The following HYCC1 variants were observed in gnomAD, a reference collection of about 807,000 sequenced individuals.
The protein encoded by HYCC1 is hyccin.
At chr7:22,971,035 G>A in the HYCC1 span, among the ~76,000 whole-genome samples, 1 of 152,008 alleles carries the variant, frequency 6.6e-6, no homozygotes, top group East Asian at 1.9e-4. Context: ...ATTTCTTGGA[G>A]AAGTTCTTAG....
At chr7:22,949,722 A>G in the HYCC1 span, among the ~76,000 whole-genome samples, 381 of 152,182 alleles carry the variant, frequency 2.5e-3, 8 homozygotes, top group East Asian at 5.6e-3. Context: ...AAGCAGTACC[A>G]CGCAACTGAA....
the HYCC1 span, among the ~76,000 whole-genome samples, chr7:22,948,860 A>C: frequency 7.2e-5 from 11 of 152,056 alleles, no homozygotes; most frequent in African/African-American, 2.7e-4. Flanking sequence ...ATGAAACTAA[A>C]AACCTCCAAC....
the HYCC1 span, among the ~76,000 whole-genome samples, chr7:22,913,275 A>G: frequency 2.6e-5 from 4 of 152,254 alleles, no homozygotes; most frequent in African/African-American, 7.2e-5. Context: ...GTTGAAAACA[A>G]TAGAGGAATC....
the HYCC1 span, among the ~76,000 whole-genome samples, chr7:22,980,176 C>T: frequency 2.6e-5 from 4 of 151,736 alleles, no homozygotes; most frequent in Admixed American, 6.6e-5. Context: ...GTGGGAAATA[C>T]GGACAGTGTC....
chr7:23,014,054 C>T, the HYCC1 span: 1 of 470,980 alleles, frequency 2.1e-6, no homozygotes, highest in South Asian at 1.5e-5. Context: ...CAGAACGGGT[C>T]CCGGTGAGCC....
chr7:22,955,335 T>C, the HYCC1 span, among the ~76,000 whole-genome samples: 11,892 of 135,918 alleles, frequency 0.087, 645 homozygotes, highest in East Asian at 0.23. Context: ...AACAAAACTG[T>C]TCTTAATTAA....
the HYCC1 span, among the ~76,000 whole-genome samples, chr7:22,965,635 T>G: frequency 6.6e-6 from 1 of 151,654 alleles, no homozygotes; most frequent in African/African-American, 2.4e-5. Flanking sequence ...TTTATTATTA[T>G]TAGTTTTTTA....
the HYCC1 span, among the ~76,000 whole-genome samples, chr7:22,958,266 T>A: frequency 6.6e-6 from 1 of 152,108 alleles, no homozygotes; most frequent in Admixed American, 6.6e-5. Context: ...GGGAGGAGAC[T>A]GCAACCTACC....
the HYCC1 span, among the ~76,000 whole-genome samples, chr7:23,005,454 G>C: frequency 6.6e-6 from 1 of 152,128 alleles, no homozygotes; most frequent in South Asian, 2.1e-4. Context: ...TGTATTTTAT[G>C]ATCTTATAGT....
chr7:22,943,446 G>A, the HYCC1 span: 1 of 152,102 alleles, frequency 6.6e-6, no homozygotes, highest in Non-Finnish European at 1.5e-5. Context: ...TTTTTAACAA[G>A]ATACCAGATA....
the HYCC1 span, among the ~76,000 whole-genome samples, chr7:22,906,525 C>A: frequency 1.3e-5 from 2 of 151,174 alleles, no homozygotes; most frequent in Admixed American, 1.3e-4. Context: ...TTGCAGTGAG[C>A]CAAGATCGCG....
the HYCC1 span, among the ~76,000 whole-genome samples, chr7:22,973,259 C>A: frequency 3.9e-5 from 6 of 152,288 alleles, no homozygotes; most frequent in South Asian, 8.3e-4. Flanking sequence ...AATTTTCTTT[C>A]CATAGATATG....
chr7:22,927,448 AAAG>A, the HYCC1 span, among the ~76,000 whole-genome samples: 1 of 152,194 alleles, frequency 6.6e-6, no homozygotes, highest in East Asian at 1.9e-4. Context: ...CAAGACTAAT[AAAG>A]AAGAAAAGAG....
chr7:22,919,749 A>G, the HYCC1 span, among the ~76,000 whole-genome samples: 1 of 152,148 alleles, frequency 6.6e-6, no homozygotes, highest in East Asian at 1.9e-4. Flanking sequence ...AGATTAGACA[A>G]TCAGAAGAAC....
the HYCC1 span, among the ~76,000 whole-genome samples, chr7:22,923,747 G>T: frequency 6.6e-6 from 1 of 151,920 alleles, no homozygotes; most frequent in Non-Finnish European, 1.5e-5. Flanking sequence ...GGAAATTTAG[G>T]AATCAAATAA....
chr7:22,919,118 C>G, the HYCC1 span, among the ~76,000 whole-genome samples: 1 of 152,136 alleles, frequency 6.6e-6, no homozygotes, highest in Non-Finnish European at 1.5e-5. Flanking sequence ...GTGAGGCATA[C>G]ATGGGAACAA....
chr7:22,960,651 C>T, the HYCC1 span, among the ~76,000 whole-genome samples: 1 of 152,198 alleles, frequency 6.6e-6, no homozygotes, highest in South Asian at 2.1e-4. Context: ...AATTAGATTT[C>T]CAAATGCCTA....
the HYCC1 span, among the ~76,000 whole-genome samples, chr7:22,956,679 G>C: frequency 1.3e-5 from 2 of 151,816 alleles, no homozygotes; most frequent in African/African-American, 4.8e-5. Context: ...TTGATATACT[G>C]GGGGAGGCTA....
chr7:22,948,216 A>G, the HYCC1 span, among the ~76,000 whole-genome samples: 2 of 152,210 alleles, frequency 1.3e-5, no homozygotes, highest in East Asian at 3.9e-4. Flanking sequence ...AGACTATGTA[A>G]AACAGCATAT....
Sources: gnomAD v4.1 joint callset for allele counts (sites outside exome capture counted in the v4.1 genomes callset) on GRCh38, gnomAD v4.1.1 for gene constraint, MANE v1.5 for transcripts, NCBI Gene and HGNC (gene_info 2026-07-23, HGNC 2026-07-21) for gene names.